Variants in ZNF543 observed in about 807,000 individuals in gnomAD.
ZNF543 encodes zinc finger protein 543.
ZNF543 carries 10 observed loss-of-function variants against 13.4 expected under a neutral mutation model. The ratio of observed to expected loss-of-function variants is 0.75; its 90% CI spans 0.46 to 1.26. The LOEUF is 1.26. ZNF543 is among the 50% of genes most tolerant of loss of function. The pLI, the probability that ZNF543 is intolerant of heterozygous loss-of-function variation, is 0.00. For synonymous variants in ZNF543, 272 were observed against 264.7 expected, an observed-to-expected ratio of 1.03 and a Z score of -0.27; for missense variants, 768 against 741.2, an observed-to-expected ratio of 1.04 and a Z score of -0.42.
Position 57,330,143 on chromosome 19 carries a change from TA to T in ZNF543, c.*879del, listed in dbSNP as rs1294881672. On this transcript the variant is annotated 3_prime_UTR_variant, in exon 4 of 4. Transcript: ENST00000321545. ...GGAGGCTTGAGTTATGAAACACTTTTATAAGGAGATAAGGATGTACATATGT... is the reference window on the plus strand; with the variant it reads ...GGAGGCTTGAGTTATGAAACACTTTTTAAGGAGATAAGGATGTACATATGT... 7.2e-5 allele frequency: 11 copies of T among 152,218 alleles called. No homozygotes were observed. Among genetic ancestry groups the T allele is most frequent in the African/African-American group, 2.7e-4 (11 of 41,452 alleles). 9.4% of individuals were successfully genotyped at this position (152,218 alleles called of 1,614,324 possible). A position where few individuals can be genotyped will look rare whatever the true frequency, so the allele number is the denominator to read the frequency against.
At position 57,326,621 on chromosome 19, in the gene ZNF543, C is replaced by T; in HGVS notation, c.146-12C>T. On this transcript the variant is annotated splice_polypyrimidine_tract_variant and intron_variant, in intron 2 of 3. Coordinates refer to ENST00000321545, the MANE Select transcript of ZNF543 (RefSeq NM_213598.4). ...CTAACTCCCTGTGTCCTCTTTTGTT[C>T]TCCATGCACAGGCTGTCCTTTGTTC... 6.2e-7 allele frequency: 1 copy of T among 1,608,622 alleles called. No homozygotes were observed. The highest frequency in any genetic ancestry group is 8.5e-7 in the Non-Finnish European group (1 of 1,175,224).
At position 57,320,807 on chromosome 19, in the gene ZNF543, C is replaced by T. The variant is rs369022237; in HGVS notation, c.-47C>T. On this transcript the variant is annotated 5_prime_UTR_variant, in exon 1 of 4. Coordinates refer to ENST00000321545, the MANE Select transcript of ZNF543 (RefSeq NM_213598.4). ...AGGACAGAGAAGGGCTGGGGGTCGG[C>T]TGAGCCGCGGCATTCCCGGGCCCCG... is the stretch of plus-strand genomic sequence containing the variant. The T allele has an allele frequency of 1.3e-5, 21 of 1,612,328 alleles. No homozygotes were observed. Among genetic ancestry groups the T allele is most frequent in the African/African-American group, 4.0e-5 (3 of 74,898 alleles).
chr19:57,329,365 ACAAT>A lies in ZNF543; in HGVS notation c.*104_*107del. The A allele has an allele frequency of 2.0e-6, 3 of 1,465,078 alleles. No individual in the cohort carries two copies. Among genetic ancestry groups the A allele is most frequent in the Non-Finnish European group, 1.8e-6 (2 of 1,101,602 alleles). 90.8% of individuals were successfully genotyped at this position (1,465,078 alleles called of 1,614,324 possible). ...TAATAGATGATCATTTGTCGTCTAA[ACAAT>A]CAAGTTAGAAATTGAACCAGCCTGG... On this transcript the variant is annotated 3_prime_UTR_variant, in exon 4 of 4. Coordinates refer to ENST00000321545, the MANE Select transcript of ZNF543 (RefSeq NM_213598.4).
intron 1 of ZNF543, 195 bp from the exon 2 acceptor site, chr19:57,323,487 T>C: frequency 1.5e-6 from 1 of 676,158 alleles, no homozygotes; most frequent in Non-Finnish European, 2.6e-6. Flanking sequence ...CCACCGCGCC[T>C]GACCGACACT....
rs1481257127 is a variant in ZNF543 at position 57,328,658 on chromosome 19, A to G, written c.1196A>G (p.Glu399Gly). 5.0e-6 allele frequency: 8 copies of G among 1,614,090 alleles called. No individual in the cohort carries two copies. The highest frequency in any genetic ancestry group is 3.3e-5 in the South Asian group (3 of 91,080). ...GGGGAGAAGCCCTATAAGTGCATGGAGTGTGGGAAGGCGTTCAACCGTAGG... is the reference window on the plus strand; with the variant it reads ...GGGGAGAAGCCCTATAAGTGCATGGGGTGTGGGAAGGCGTTCAACCGTAGG... The part of the protein sequence containing the change: ...HTGEKPYKCM[E>G]CGKAFNRRSH... Residue 399 changes from glutamate (E) to glycine (G), a missense_variant, in exon 4 of 4, where the codon GAG becomes GGG. Glu to Gly is a moderately conservative substitution (Grantham distance 98). Around this residue, in one of 3 missense-constraint regions of ZNF543, gnomAD observed 677 missense variants for 631.4 expected, o/e 1.07. Coordinates refer to ENST00000321545, the MANE Select transcript of ZNF543 (RefSeq NM_213598.4).
chr19:57,328,848 T>C lies in ZNF543; in HGVS notation c.1386T>C (p.Asp462=). The C allele has an allele frequency of 1.2e-6, 2 of 1,613,030 alleles. No homozygotes were observed. Among genetic ancestry groups the C allele is most frequent in the South Asian group, 2.2e-5 (2 of 91,016 alleles). Residue 462 remains aspartate (D), a synonymous_variant, in exon 4 of 4, where the codon GAT becomes GAC. Coordinates refer to ENST00000321545, the MANE Select transcript of ZNF543 (RefSeq NM_213598.4). ...AAGAATGTGGAAAAGCCTTTAGTGA[T>C]AGGGCAGACCTCATTCGCCACTTCA... ...ECKECGKAFS[D]RADLIRHFSI...
In ZNF543 at chr19:57,329,098, C is replaced by G. The variant is rs201449120; in HGVS notation, c.1636C>G (p.Arg546Gly). 1 of 1,614,182 alleles carries G rather than the reference C, an allele frequency of 6.2e-7. No individual in the cohort carries two copies. The highest frequency in any genetic ancestry group is 1.1e-5 in the South Asian group (1 of 91,080). Residue 546 changes from arginine to glycine, a missense_variant, in exon 4 of 4, where the codon CGC becomes GGC. Coordinates refer to ENST00000321545, the MANE Select transcript of ZNF543 (RefSeq NM_213598.4). ...ECSECGKAFNRGSSLTHHQRI... is the reference protein window; with the variant it reads ...ECSECGKAFNGGSSLTHHQRI... Reference sequence around the variant, plus strand: ...CAGTGAGTGTGGAAAGGCTTTTAATCGCGGCTCATCCCTCACACATCATCA... The same window carrying G: ...CAGTGAGTGTGGAAAGGCTTTTAATGGCGGCTCATCCCTCACACATCATCA...
At chr19:57,327,570 C>T (rs2088130042) in intron 3 of ZNF543, 134 bp from the exon 4 acceptor site, 2 of 1,223,032 alleles carry the variant, frequency 1.6e-6, no homozygotes, top group Non-Finnish European at 2.2e-6. Context: ...GTCTCAAACT[C>T]CTGACCTCAG....
intron 1 of ZNF543, among the ~76,000 whole-genome samples, chr19:57,322,196 C>T (rs1287884441): frequency 2.0e-5 from 3 of 152,088 alleles, no homozygotes; most frequent in Admixed American, 2.0e-4. Flanking sequence ...AGTGATAGCT[C>T]GTTGTGGATT....
chr19:57,323,345 C>T (rs2088101181), intron 1 of ZNF543, among the ~76,000 whole-genome samples: 1 of 152,096 alleles, frequency 6.6e-6, no homozygotes, highest in South Asian at 2.1e-4. Flanking sequence ...GCGCCCGCCA[C>T]CGCGCCCGGC....
chr19:57,327,998 A>G lies in ZNF543; in HGVS notation c.536A>G (p.Tyr179Cys), dbSNP rs773644460. 1.2e-5 allele frequency: 20 copies of G among 1,614,114 alleles called. No homozygotes were observed. Among genetic ancestry groups the G allele is most frequent in the Non-Finnish European group, 1.6e-5 (19 of 1,180,062 alleles). ...CAAGTTTCAACAGAAGGTGATCTCTATGAATGTGATTCACATGGACCAGTT... is the reference window on the plus strand; with the variant it reads ...CAAGTTTCAACAGAAGGTGATCTCTGTGAATGTGATTCACATGGACCAGTT... ...QKQVSTEGDL[Y>C]ECDSHGPVTD... The change falls in exon 4 of 4, where the codon TAT becomes TGT. Residue 179 changes from tyrosine to cysteine, a missense_variant. Physicochemically the swap from Tyr to Cys is radical, Grantham distance 194. This residue lies in a region of ZNF543 where 677 missense variants were observed against 631.4 expected (regional missense o/e 1.07). Coordinates refer to ENST00000321545, the MANE Select transcript of ZNF543 (RefSeq NM_213598.4).
rs2122932419 is a variant in ZNF543, at chr19:57,320,781, C to T, written c.-73C>T. The stretch of plus-strand genomic sequence containing the variant: ...GAAAGTCAGCCGAGGTCGCCCCGCC[C>T]AGGACAGAGAAGGGCTGGGGGTCGG... On this transcript the variant is annotated 5_prime_UTR_variant, in exon 1 of 4. Transcript: ENST00000321545. 2 of 1,601,934 alleles carry T rather than the reference C, an allele frequency of 1.2e-6. No homozygotes were observed. Among genetic ancestry groups the T allele is most frequent in the Non-Finnish European group, 1.7e-6 (2 of 1,172,984 alleles).
chr19:57,325,218 C>T (rs905142186), intron 2 of ZNF543, among the ~76,000 whole-genome samples: 1 of 152,168 alleles, frequency 6.6e-6, no homozygotes, highest in Non-Finnish European at 1.5e-5. Context: ...ATGATCCTGA[C>T]AAAGCTGAAG....
chr19:57,323,009 G>A (rs1040186044), intron 1 of ZNF543, among the ~76,000 whole-genome samples: 2 of 151,976 alleles, frequency 1.3e-5, no homozygotes, highest in Non-Finnish European at 2.9e-5. Flanking sequence ...AGGGAGGATC[G>A]GTAAGACTCA....
In ZNF543 at chr19:57,320,542, G is replaced by A. The variant is rs751494496; in HGVS notation, c.-312G>A. 72 of 369,450 alleles carry A rather than the reference G, an allele frequency of 1.9e-4. No individual in the cohort carries two copies. Among genetic ancestry groups the A allele is most frequent in the Non-Finnish European group, 2.2e-4 (43 of 199,600 alleles). The allele number at this position is 369,450 out of a possible 1,614,324, so 22.9% of individuals were successfully genotyped here. A position where few individuals can be genotyped will look rare whatever the true frequency, so the allele number is the denominator to read the frequency against. ...GTGGGGCCTGGACCGCTGGGTAGGC[G>A]CGTCCAGCGGCCTGAGCAGGGGAGG... On this transcript the variant is annotated 5_prime_UTR_variant, in exon 1 of 4. Coordinates refer to ENST00000321545, the MANE Select transcript of ZNF543 (RefSeq NM_213598.4).
intron 1 of ZNF543, among the ~76,000 whole-genome samples, chr19:57,322,345 T>C (rs929402382): frequency 6.6e-6 from 1 of 152,126 alleles, no homozygotes; most frequent in African/African-American, 2.4e-5. Flanking sequence ...ACTATGCTGC[T>C]CTGCCCAGGT....
intron 3 of ZNF543, among the ~76,000 whole-genome samples, chr19:57,326,956 C>T (rs2088125449): frequency 6.7e-6 from 1 of 149,170 alleles, no homozygotes; most frequent in Non-Finnish European, 1.5e-5. Flanking sequence ...CAGCCTCAAC[C>T]TCCTGGGCTC....
rs1427702723 is a variant in ZNF543 at position 57,320,697 on chromosome 19, C to G, written c.-157C>G. 1 of 921,236 alleles carries G rather than the reference C, an allele frequency of 1.1e-6. No homozygotes were observed. The highest frequency in any genetic ancestry group is 1.6e-6 in the Non-Finnish European group (1 of 638,126). 57.1% of individuals were successfully genotyped at this position (921,236 alleles called of 1,614,324 possible). ...CGCAGCCGCCCTCCGTCTCCTCAGC[C>G]CCGACGCTGCGCCCGCTTTGTGCGC... On this transcript the variant is annotated 5_prime_UTR_variant, in exon 1 of 4. Coordinates refer to ENST00000321545, the MANE Select transcript of ZNF543 (RefSeq NM_213598.4).
intron 3 of ZNF543, 28 bp downstream of exon 3, chr19:57,326,756 G>T (rs1348128160): frequency 1.9e-5 from 30 of 1,577,002 alleles, no homozygotes; most frequent in Non-Finnish European, 2.4e-5. Flanking sequence ...GGAAGGTGGG[G>T]GTCATGGCAG....
Sources: gnomAD v4.1 joint callset for allele counts (sites outside exome capture counted in the v4.1 genomes callset) on GRCh38, gnomAD v4.1.1 for gene constraint, gnomAD v4.1.1 regional missense constraint, MANE v1.5 for transcripts, NCBI Gene and HGNC (gene_info 2026-07-23, HGNC 2026-07-21) for gene names.